Variants in ITFG1 observed in about 807,000 individuals in gnomAD.
ITFG1 encodes integrin alpha FG-GAP repeat containing 1, also known as T-cell immunomodulatory protein.
ITFG1 carries 34 observed loss-of-function variants against 81.8 expected under a neutral mutation model. The observed-to-expected ratio is 0.42, with a 90% confidence interval of 0.32 to 0.55. ITFG1 has a LOEUF of 0.55. Among genes scored for constraint, ITFG1 ranks in the 20% least tolerant of loss-of-function variants. ITFG1 has a pLI of 0.17. For synonymous variants in ITFG1, 285 were observed against 270.6 expected, an observed-to-expected ratio of 1.05 and a Z score of -0.52; for missense variants, 672 against 755.4, an observed-to-expected ratio of 0.89 and a Z score of 1.29.
intron 10 of ITFG1, among the ~76,000 whole-genome samples, chr16:47,295,163 A>G (rs1279425364): frequency 1.3e-5 from 2 of 152,200 alleles, no homozygotes; most frequent in African/African-American, 4.8e-5. Context: ...ATTAATTTGC[A>G]TATGTTGAAC....
intron 13 of ITFG1, among the ~76,000 whole-genome samples, chr16:47,236,319 C>T (rs1469210723): frequency 6.6e-6 from 1 of 151,716 alleles, no homozygotes. Flanking sequence ...ACTAAAAATA[C>T]AAAAAATTAG....
chr16:47,443,999 G>A (rs1414990507), intron 5 of ITFG1, among the ~76,000 whole-genome samples: 3 of 152,090 alleles, frequency 2.0e-5, no homozygotes, highest in Non-Finnish European at 2.9e-5. Flanking sequence ...GCCATATAAC[G>A]TAATTCACAA....
intron 14 of ITFG1, among the ~76,000 whole-genome samples, chr16:47,204,779 C>A (rs1965471854): frequency 6.6e-6 from 1 of 152,144 alleles, no homozygotes; most frequent in Admixed American, 6.6e-5. Flanking sequence ...GTCTTTGTGG[C>A]ATTTTAAATT....
At chr16:47,460,733 AAGGACC>A in intron 1 of ITFG1, 99 bp downstream of exon 1, 1 of 1,231,136 alleles carries the variant, frequency 8.1e-7, no homozygotes, top group Non-Finnish European at 1.2e-6. Context: ...GCTGGGAGAG[AAGGACC>A]AGGAAATGCA....
At chr16:47,362,677 C>T (rs1464733027) in intron 8 of ITFG1, among the ~76,000 whole-genome samples, 1 of 152,220 alleles carries the variant, frequency 6.6e-6, no homozygotes, top group African/African-American at 2.4e-5. Flanking sequence ...TCACCACTTC[C>T]ATGAGGCTTT....
intron 8 of ITFG1, among the ~76,000 whole-genome samples, chr16:47,360,444 A>C (rs1968095234): frequency 6.6e-6 from 1 of 152,146 alleles, no homozygotes; most frequent in Admixed American, 6.6e-5. Flanking sequence ...GCCAATTTTC[A>C]ACTATAAGAT....
At chr16:47,299,952 G>A (rs1401508592) in intron 10 of ITFG1, 1 of 152,260 alleles carries the variant, frequency 6.6e-6, no homozygotes, top group Non-Finnish European at 1.5e-5. Flanking sequence ...CTAAAAGGTA[G>A]GATAAAGAGT....
chr16:47,352,238 C>A (rs1375587870), intron 8 of ITFG1, among the ~76,000 whole-genome samples: 1 of 152,176 alleles, frequency 6.6e-6, no homozygotes, highest in Non-Finnish European at 1.5e-5. Context: ...AGCTTCTGCA[C>A]AGCAAAAGAA....
intron 12 of ITFG1, among the ~76,000 whole-genome samples, chr16:47,257,667 GTAAA>G (rs1346401221): frequency 2.6e-5 from 4 of 152,190 alleles, no homozygotes; most frequent in African/African-American, 9.6e-5. Flanking sequence ...TCATACAAAT[GTAAA>G]TAGATGTAAA....
intron 17 of ITFG1, among the ~76,000 whole-genome samples, chr16:47,157,882 T>G (rs1487246254): frequency 2.6e-5 from 4 of 152,220 alleles, no homozygotes; most frequent in African/African-American, 9.6e-5. Context: ...AGCCCTTTTT[T>G]GAGGGCATTG....
At chr16:47,451,252 A>G in intron 5 of ITFG1, 144 bp downstream of exon 5, 1 of 475,018 alleles carries the variant, frequency 2.1e-6, no homozygotes, top group Admixed American at 3.9e-5. Flanking sequence ...AATCCAAACT[A>G]TTTGAGAAAG....
intron 5 of ITFG1, among the ~76,000 whole-genome samples, chr16:47,441,128 G>A (rs1353792827): frequency 6.6e-6 from 1 of 152,136 alleles, no homozygotes; most frequent in Non-Finnish European, 1.5e-5. Context: ...GACTAAACCA[G>A]GAAGAAGTTG....
At chr16:47,383,260 C>T (rs1249638098) in intron 6 of ITFG1, among the ~76,000 whole-genome samples, 1 of 152,224 alleles carries the variant, frequency 6.6e-6, no homozygotes, top group East Asian at 1.9e-4. Flanking sequence ...TCAATAATTG[C>T]TAAGATTTTC....
intron 6 of ITFG1, among the ~76,000 whole-genome samples, chr16:47,385,077 A>G (rs1266479170): frequency 1.3e-5 from 2 of 152,232 alleles, no homozygotes; most frequent in East Asian, 3.8e-4. Context: ...AGGAAGTGAC[A>G]TTTGCACTGG....
chr16:47,382,430 T>C (rs1194478210), intron 6 of ITFG1, among the ~76,000 whole-genome samples: 1 of 152,216 alleles, frequency 6.6e-6, no homozygotes, highest in Non-Finnish European at 1.5e-5. Flanking sequence ...CTATCTAGAC[T>C]TTCTTTCTAT....
intron 6 of ITFG1, among the ~76,000 whole-genome samples, chr16:47,382,628 A>C (rs137993027): frequency 7.7e-6 from 1 of 129,804 alleles, no homozygotes; most frequent in African/African-American, 2.9e-5. Context: ...TTCCGTCGTC[A>C]GTGAAATCAT....
intron 10 of ITFG1, among the ~76,000 whole-genome samples, chr16:47,286,537 G>T (rs1966869926): frequency 6.6e-6 from 1 of 152,022 alleles, no homozygotes; most frequent in Non-Finnish European, 1.5e-5. Context: ...CTACTTGGGA[G>T]GCTGAGGCAG....
intron 5 of ITFG1, among the ~76,000 whole-genome samples, chr16:47,439,020 G>A (rs928445270): frequency 1.3e-5 from 2 of 152,162 alleles, no homozygotes; most frequent in African/African-American, 2.4e-5. Flanking sequence ...ACCACGGCAC[G>A]AGAACTACGT....
chr16:47,233,902 G>T (rs1389934260), intron 13 of ITFG1, among the ~76,000 whole-genome samples: 1 of 152,188 alleles, frequency 6.6e-6, no homozygotes, highest in East Asian at 1.9e-4. Context: ...TTAAGAAGGA[G>T]TCTGTAGCGA....
Sources: allele counts gnomAD v4.1 joint callset (sites outside exome capture counted in the v4.1 genomes callset), GRCh38; gene constraint gnomAD v4.1.1; transcripts MANE v1.5; gene names NCBI Gene and HGNC (gene_info 2026-07-23, HGNC 2026-07-21).